The following ALG6 variants were observed in gnomAD, a reference collection of about 807,000 sequenced individuals.
The protein encoded by ALG6 is ALG6 alpha-1,3-glucosyltransferase.
ALG6 carries 46 observed loss-of-function variants against 66.6 expected under a neutral mutation model. That is an observed-to-expected ratio of 0.69 (90% CI 0.55 to 0.88). The LOEUF is 0.88. ALG6 is among the 40% of genes least tolerant of loss of function. The pLI is 0.00. For synonymous variants in ALG6, 185 were observed against 203.7 expected, an observed-to-expected ratio of 0.91 and a Z score of 0.78; for missense variants, 505 against 586.8, an observed-to-expected ratio of 0.86 and a Z score of 1.44.
At position 63,433,564 on chromosome 1, in the gene ALG6, T is replaced by C. The variant is rs1367964516; in HGVS notation, c.1327-3259T>C. ...TTCAAATGGAAAGTAGATATAAAGT[T>C]CATTTTTTGTTAGTATAGGCCCAGA... On this transcript the variant is annotated intron_variant, in intron 14 of 14. Coordinates refer to ENST00000263440, the MANE Select transcript of ALG6 (RefSeq NM_013339.4). The surrounding 1 kb of genome is among the most constrained non-coding windows in gnomAD (Gnocchi z 4.2). Among the ~76,000 whole-genome samples the C allele has an allele frequency of 6.6e-6, 1 of 152,168 alleles. No homozygotes were observed. Among genetic ancestry groups the C allele is most frequent in the Non-Finnish European group, 1.5e-5 (1 of 68,024 alleles).
rs144674289 is a variant in ALG6, at chr1:63,390,436, A to G, written c.83-6077A>G. ...TCTCCAGTCTCCTTTCCTTAAGCAG[A>G]AGGCATCCTTAAGCCATACTGCCTG... On this transcript the variant is annotated intron_variant, in intron 2 of 14. Coordinates refer to ENST00000263440, the MANE Select transcript of ALG6 (RefSeq NM_013339.4). Among the ~76,000 whole-genome samples, 40 of 152,142 alleles carry G rather than the reference A, an allele frequency of 2.6e-4. No homozygotes were observed. In the East Asian group the frequency reaches 3.5e-3, roughly 13 times the overall value.
chr1:63,381,837 A>G (rs2100389826), intron 2 of ALG6, among the ~76,000 whole-genome samples: 1 of 152,318 alleles, frequency 6.6e-6, no homozygotes, highest in East Asian at 1.9e-4. Context: ...TCTGTTGATT[A>G]AAATACTATT....
At chr1:63,421,668 A>G (rs1473518577) in intron 12 of ALG6, among the ~76,000 whole-genome samples, 1 of 152,178 alleles carries the variant, frequency 6.6e-6, no homozygotes, top group African/African-American at 2.4e-5. Flanking sequence ...TGTGGCACAT[A>G]CACACCATGG....
At chr1:63,414,549 C>G (rs745768988) in intron 10 of ALG6, among the ~76,000 whole-genome samples, 1 of 152,030 alleles carries the variant, frequency 6.6e-6, no homozygotes, top group Admixed American at 6.6e-5. Flanking sequence ...TGCACCCAGC[C>G]GAGGTGTTTT....
intron 2 of ALG6, among the ~76,000 whole-genome samples, chr1:63,375,560 C>T (rs1648097767): frequency 6.6e-6 from 1 of 151,916 alleles, no homozygotes; most frequent in African/African-American, 2.4e-5. Flanking sequence ...ACGCCTGGCC[C>T]ATTTCTTTTA....
intron 2 of ALG6, among the ~76,000 whole-genome samples, chr1:63,374,393 C>T (rs575072732): frequency 1.1e-3 from 169 of 152,182 alleles, no homozygotes; most frequent in African/African-American, 3.8e-3. Flanking sequence ...TTTGGGAGGC[C>T]GAAGTGGGCC....
chr1:63,387,369 C>T (rs1023290314), intron 2 of ALG6, among the ~76,000 whole-genome samples: 3 of 152,014 alleles, frequency 2.0e-5, no homozygotes, highest in African/African-American at 7.3e-5. Flanking sequence ...CTGAAATTGA[C>T]ATCTCTAGCT....
chr1:63,430,734 CT>C (rs1340920392), intron 14 of ALG6, among the ~76,000 whole-genome samples: 1 of 152,086 alleles, frequency 6.6e-6, no homozygotes, highest in Admixed American at 6.6e-5. Flanking sequence ...CCATTTTAAA[CT>C]GGGTTGTCTT....
At position 63,436,972 on chromosome 1, in the gene ALG6, T is replaced by TATTA. The variant is rs1185825246; in HGVS notation, c.1477_1480dup (p.Met494AsnfsTer29). ...TCTTCTTGGTATACTTTAACATTAT[T>TATTA]ATTATGTGGGATTCCAAAAGTGGAA... is the stretch of plus-strand genomic sequence containing the variant. On this transcript the variant is annotated frameshift_variant, in exon 15 of 15. Transcript: ENST00000263440. LOFTEE classifies it high-confidence loss of function. The TATTA allele has an allele frequency of 1.2e-6, 2 of 1,613,666 alleles. No individual in the cohort carries two copies.
chr1:63,387,709 T>C (rs1648545515), intron 2 of ALG6, among the ~76,000 whole-genome samples: 1 of 151,610 alleles, frequency 6.6e-6, no homozygotes, highest in Non-Finnish European at 1.5e-5. Flanking sequence ...GCCCAGCTAA[T>C]TTTTGTATTT....
chr1:63,396,953 G>C (rs929134087), intron 3 of ALG6, among the ~76,000 whole-genome samples: 1 of 152,098 alleles, frequency 6.6e-6, no homozygotes, highest in African/African-American at 2.4e-5. Context: ...CACTATGATT[G>C]TAACTATAGA....
intron 2 of ALG6, among the ~76,000 whole-genome samples, chr1:63,372,786 A>G (rs902218129): frequency 6.6e-6 from 1 of 151,890 alleles, no homozygotes; most frequent in African/African-American, 2.4e-5. Flanking sequence ...CAGCCTCCTA[A>G]GTAGCTGGGA....
At chr1:63,382,738 C>T (rs1209127998) in intron 2 of ALG6, among the ~76,000 whole-genome samples, 9 of 142,974 alleles carry the variant, frequency 6.3e-5, no homozygotes, top group South Asian at 2.2e-4. Flanking sequence ...TGCAGTAGCG[C>T]GATCTCGGCT....
At chr1:63,372,094 G>A (rs957995720) in intron 2 of ALG6, among the ~76,000 whole-genome samples, 2 of 152,158 alleles carry the variant, frequency 1.3e-5, no homozygotes, top group African/African-American at 4.8e-5. Flanking sequence ...AGTGGAGAAG[G>A]TATTATAGAG....
intron 14 of ALG6, among the ~76,000 whole-genome samples, chr1:63,435,048 C>T (rs1407706420): frequency 6.6e-6 from 1 of 152,172 alleles, no homozygotes; most frequent in Non-Finnish European, 1.5e-5. Flanking sequence ...GGATTTACTA[C>T]ACTGGAGGTC....
chr1:63,428,391 C>T (rs1644628116), intron 12 of ALG6: 1 of 186,520 alleles, frequency 5.4e-6, no homozygotes, highest in Non-Finnish European at 1.1e-5. Flanking sequence ...TTCATATTTA[C>T]CAAGTACTAC....
At chr1:63,368,332 C>T (rs1250444421) in intron 1 of ALG6, among the ~76,000 whole-genome samples, 1 of 152,136 alleles carries the variant, frequency 6.6e-6, no homozygotes, top group Non-Finnish European at 1.5e-5. Flanking sequence ...GGTACCTCCC[C>T]GCTTCGTACA....
intron 2 of ALG6, among the ~76,000 whole-genome samples, chr1:63,386,369 TA>T (rs1444093639): frequency 2.0e-5 from 3 of 152,168 alleles, no homozygotes; most frequent in African/African-American, 7.2e-5. Flanking sequence ...TTTTTTGGAA[TA>T]GTTTGAATAG....
At chr1:63,396,444 A>G in intron 2 of ALG6, 69 bp from the exon 3 acceptor site, 1 of 1,337,356 alleles carries the variant, frequency 7.5e-7, no homozygotes, top group South Asian at 1.2e-5. Context: ...GACAATTTTC[A>G]TAAGGAAATA....
Sources: allele counts gnomAD v4.1 joint callset (sites outside exome capture counted in the v4.1 genomes callset), GRCh38; gene constraint gnomAD v4.1.1; non-coding constraint Gnocchi (gnomAD v3.1); transcripts MANE v1.5; gene names NCBI Gene and HGNC (gene_info 2026-07-23, HGNC 2026-07-21).